The following GAN variants were observed in gnomAD, a reference collection of about 807,000 sequenced individuals.
GAN encodes gigaxonin, also known as epididymis secretory sperm binding protein.
In GAN, 48 loss-of-function variants were observed where a neutral mutation model predicts 71.3. The ratio of observed to expected loss-of-function variants is 0.67; its 90% confidence interval spans 0.53 to 0.86. GAN has a LOEUF of 0.86. GAN is among the 40% of genes least tolerant of loss of function. GAN has a pLI of 0.00. For synonymous variants in GAN, 386 were observed against 276.8 expected (o/e 1.39, Z -3.92); for missense variants, 928 against 770.1 (o/e 1.21, Z -2.43).
At chr16:81,361,604 T>C (rs1336058165) in intron 5 of GAN, among the ~76,000 whole-genome samples, 2 of 152,246 alleles carry the variant, frequency 1.3e-5, no homozygotes, top group Admixed American at 1.3e-4. Context: ...CAGTGTAAAA[T>C]GGTTTTCATG....
chr16:81,354,855 A>T, intron 3 of GAN, 100 bp downstream of exon 3: 2 of 729,520 alleles, frequency 2.7e-6, no homozygotes, highest in Non-Finnish European at 2.4e-6. Context: ...AAGACTTACG[A>T]TGCAGCAATC....
chr16:81,323,319 G>A (rs1477139810), intron 1 of GAN, among the ~76,000 whole-genome samples: 2 of 152,176 alleles, frequency 1.3e-5, no homozygotes, highest in East Asian at 3.8e-4. Flanking sequence ...AATGCCTGCT[G>A]TTGGTAGGAA....
chr16:81,368,764 A>G (rs939942962), intron 9 of GAN, among the ~76,000 whole-genome samples: 2 of 152,178 alleles, frequency 1.3e-5, no homozygotes, highest in African/African-American at 2.4e-5. Context: ...GTGTAGTGTC[A>G]TTAGCCTCTG....
At position 81,356,883 on chromosome 16, in the gene GAN, T is replaced by A. The variant is rs1465877531; in HGVS notation, c.732T>A (p.Ile244=). 3 of 1,613,702 alleles carry A rather than the reference T, an allele frequency of 1.9e-6. No individual in the cohort carries two copies. The highest frequency in any genetic ancestry group is 2.5e-6 in the Non-Finnish European group (3 of 1,179,762). Residue 244 remains isoleucine, a synonymous_variant, in exon 4 of 11, where the codon ATT becomes ATA. Transcript: ENST00000648994. The part of the protein sequence containing the change: ...QMLNEPLVRE[I]VKECSNIPLS... Reference sequence around the variant, plus strand: ...TGAATGAACCATTAGTACGAGAAATTGTCAAAGAGTGTAGCAATATACCGC... The same window carrying A: ...TGAATGAACCATTAGTACGAGAAATAGTCAAAGAGTGTAGCAATATACCGC...
intron 7 of GAN, 99 bp from the exon 8 acceptor site, chr16:81,364,875 C>A: frequency 8.3e-7 from 1 of 1,200,036 alleles, no homozygotes. Flanking sequence ...CAAACCCCTT[C>A]CTAAATCTCT....
At chr16:81,373,158 A>G (rs147186891) in intron 9 of GAN, among the ~76,000 whole-genome samples, 36 of 152,372 alleles carry the variant, frequency 2.4e-4, no homozygotes, top group African/African-American at 7.9e-4. Context: ...TCTTCAGGAA[A>G]TAATTGTACA....
At chr16:81,323,296 G>A (rs989414464) in intron 1 of GAN, among the ~76,000 whole-genome samples, 6 of 152,028 alleles carry the variant, frequency 3.9e-5, no homozygotes, top group African/African-American at 7.3e-5. Context: ...TTTGTTCCCC[G>A]CCTAAAAATT....
chr16:81,315,439 C>A (rs1477687326), intron 1 of GAN, among the ~76,000 whole-genome samples, 159 bp downstream of exon 1: 1 of 151,820 alleles, frequency 6.6e-6, no homozygotes, highest in Non-Finnish European at 1.5e-5. Context: ...AGCGCCGGAA[C>A]CCGGCCCCGC....
At chr16:81,344,940 A>G (rs1357085222) in intron 1 of GAN, among the ~76,000 whole-genome samples, 2 of 152,216 alleles carry the variant, frequency 1.3e-5, no homozygotes, top group Non-Finnish European at 2.9e-5. Flanking sequence ...AAAATGGGCA[A>G]AGGATATGAA....
intron 2 of GAN, 45 bp from the exon 3 acceptor site, chr16:81,354,360 T>G (rs780979004): frequency 1.6e-5 from 20 of 1,282,336 alleles, no homozygotes; most frequent in Admixed American, 1.7e-5. Flanking sequence ...GTTTGGGTTT[T>G]AAATGTACAC....
intron 1 of GAN, among the ~76,000 whole-genome samples, chr16:81,327,520 A>G (rs553933182): frequency 6.6e-6 from 1 of 152,338 alleles, no homozygotes; most frequent in Admixed American, 6.5e-5. Flanking sequence ...TTTGAACTAC[A>G]CAAAAAAGAC....
chr16:81,333,146 GC>G (rs1909643364), intron 1 of GAN, among the ~76,000 whole-genome samples: 1 of 151,648 alleles, frequency 6.6e-6, no homozygotes, highest in Non-Finnish European at 1.5e-5. Context: ...GGAGGCTGAG[GC>G]AGGAGAATCG....
chr16:81,319,807 G>A (rs1465988736), intron 1 of GAN, among the ~76,000 whole-genome samples: 3 of 152,144 alleles, frequency 2.0e-5, no homozygotes, highest in African/African-American at 7.2e-5. Context: ...ACTTTTCTGG[G>A]CTCTAGCTTC....
intron 1 of GAN, among the ~76,000 whole-genome samples, chr16:81,316,923 A>T (rs1484264884): frequency 6.6e-6 from 1 of 152,086 alleles, no homozygotes; most frequent in East Asian, 1.9e-4. Flanking sequence ...CAGTGGCGTG[A>T]TCTCGGCCCA....
chr16:81,380,484 T>C lies in GAN; in HGVS notation c.*2888T>C, dbSNP rs2150700805. On this transcript the variant is annotated 3_prime_UTR_variant, in exon 11 of 11. Coordinates refer to ENST00000648994, the MANE Select transcript of GAN (RefSeq NM_022041.4). Reference sequence around the variant, plus strand: ...TTAGATTTTTCAAAGATTTAAGTGTTTATTGAAAGTGTTTTTTGTTTTGTT... The same window carrying C: ...TTAGATTTTTCAAAGATTTAAGTGTCTATTGAAAGTGTTTTTTGTTTTGTT... The C allele has an allele frequency of 6.6e-6, 1 of 152,404 alleles. No individual in the cohort carries two copies. Among genetic ancestry groups the C allele is most frequent in the Admixed American group, 6.5e-5 (1 of 15,302 alleles). 9.4% of individuals were successfully genotyped at this position (152,404 alleles called of 1,614,324 possible).
At position 81,315,291 on chromosome 16, in the gene GAN, G is replaced by T. The variant is rs1467363531; in HGVS notation, c.167+11G>T. ...CAGCCCGTACATCAGGTGGGGAGGG[G>T]GCTACGGCGGGCGGGCGCGGCGGTG... On this transcript the variant is annotated intron_variant, in intron 1 of 10. Transcript: ENST00000648994. 6.6e-7 allele frequency: 1 copy of T among 1,517,232 alleles called. No homozygotes were observed. Among genetic ancestry groups the T allele is most frequent in the Admixed American group, 2.0e-5 (1 of 49,074 alleles). 94.0% of individuals were successfully genotyped at this position (1,517,232 alleles called of 1,614,324 possible). A position where few individuals can be genotyped will look rare whatever the true frequency, so the allele number is the denominator to read the frequency against.
chr16:81,336,102 C>G lies in GAN; in HGVS notation c.168-15481C>G, dbSNP rs117656358. Among the ~76,000 whole-genome samples the G allele has an allele frequency of 9.1e-4, 139 of 152,294 alleles. No individual in the cohort carries two copies. The East Asian group carries it at 0.023, about 25-fold the overall frequency. ...AACATGTCTTCCGACAGGACAAATC[C>G]TGTAGGAAGAGCACCTTGGTGTTAG... On this transcript the variant is annotated intron_variant, in intron 1 of 10. Coordinates refer to ENST00000648994, the MANE Select transcript of GAN (RefSeq NM_022041.4).
At chr16:81,375,470 A>G (rs1904277311) in intron 9 of GAN, among the ~76,000 whole-genome samples, 1 of 151,120 alleles carries the variant, frequency 6.6e-6, no homozygotes, top group Non-Finnish European at 1.5e-5. Flanking sequence ...AGTAGCTGGG[A>G]CAGATGCCAC....
chr16:81,334,129 A>G (rs936403932), intron 1 of GAN, among the ~76,000 whole-genome samples: 1 of 152,252 alleles, frequency 6.6e-6, no homozygotes, highest in Admixed American at 6.5e-5. Context: ...TACAAATGTA[A>G]TTGGACATGG....
Sources: gnomAD v4.1 joint callset for allele counts (sites outside exome capture counted in the v4.1 genomes callset) on GRCh38, gnomAD v4.1.1 for gene constraint, MANE v1.5 for transcripts, NCBI Gene and HGNC (gene_info 2026-07-23, HGNC 2026-07-21) for gene names.